Variants in LGALS9 observed in about 807,000 individuals in gnomAD.
LGALS9 encodes galectin 9, also known as galectin-9.
LGALS9 carries 26 observed loss-of-function variants against 35.9 expected under a neutral mutation model. The observed-to-expected ratio is 0.72, with a 90% confidence interval of 0.53 to 1.01. LGALS9 has a LOEUF of 1.01. LGALS9 is among the 50% of genes least tolerant of loss of function. LGALS9 has a pLI of 0.00. For synonymous variants in LGALS9, 149 were observed against 172.2 expected, an observed-to-expected ratio of 0.87 and a Z score of 1.06; for missense variants, 347 against 445.8, an observed-to-expected ratio of 0.78 and a Z score of 1.99.
chr17:27,647,008 C>T (rs765015257), intron 8 of LGALS9, 22 bp from the exon 9 acceptor site: 1 of 1,613,900 alleles, frequency 6.2e-7, no homozygotes, highest in South Asian at 1.1e-5. Context: ...TGGTGGCTGA[C>T]CTGTCCCCCT....
At position 27,637,620 on chromosome 17, in the gene LGALS9, G is replaced by C. The variant is rs1331705801; in HGVS notation, c.40-643G>C. On this transcript the variant is annotated intron_variant, in intron 1 of 10. Transcript: ENST00000395473. ...GGGGAGCCCGGGCACAGAAATAGAG[G>C]AGGGGGCTGCCCCACGGCTACAGAA... 2.0e-5 allele frequency among the ~76,000 whole-genome samples: 3 copies of C among 152,230 alleles called. No homozygotes were observed. The South Asian group carries it at 6.2e-4, about 32-fold the overall frequency.
intron 10 of LGALS9, among the ~76,000 whole-genome samples, 178 bp from the exon 11 acceptor site, chr17:27,648,658 G>A (rs551569779): frequency 6.6e-6 from 1 of 150,740 alleles, no homozygotes. Flanking sequence ...AACAGTACAG[G>A]GGAAAGAGCA....
chr17:27,632,896 C>T (rs553431881), intron 1 of LGALS9, among the ~76,000 whole-genome samples: 7 of 152,218 alleles, frequency 4.6e-5, no homozygotes, highest in East Asian at 1.9e-4. Flanking sequence ...GCTTCCTCCA[C>T]ATGCCGACAG....
intron 5 of LGALS9, chr17:27,644,198 G>C (rs1160684761): frequency 6.5e-6 from 1 of 154,820 alleles, no homozygotes; most frequent in South Asian, 2.0e-4. Context: ...CTGCCAGCCT[G>C]CCTCGAGCAC....
chr17:27,634,225 T>C (rs2074419148), intron 1 of LGALS9, among the ~76,000 whole-genome samples: 1 of 152,214 alleles, frequency 6.6e-6, no homozygotes, highest in South Asian at 2.1e-4. Flanking sequence ...CTGCAGGCCT[T>C]GGCTTATGAC....
intron 1 of LGALS9, among the ~76,000 whole-genome samples, chr17:27,635,889 A>G (rs575262948): frequency 5.1e-4 from 78 of 152,344 alleles, no homozygotes; most frequent in African/African-American, 1.7e-3. Flanking sequence ...GTGCTGGTCC[A>G]TAATTGGATC....
chr17:27,643,266 G>A (rs887269721), intron 4 of LGALS9, among the ~76,000 whole-genome samples: 2 of 152,084 alleles, frequency 1.3e-5, no homozygotes, highest in African/African-American at 4.8e-5. Context: ...TCGCCCTTTG[G>A]TCCTCATCTC....
At position 27,649,179 on chromosome 17, in the gene LGALS9, C is replaced by T; in HGVS notation, c.*197C>T. The T allele has an allele frequency of 2.4e-6, 2 of 824,346 alleles. No individual in the cohort carries two copies. Among genetic ancestry groups the T allele is most frequent in the South Asian group, 1.8e-5 (1 of 55,474 alleles). 51.1% of individuals were successfully genotyped at this position (824,346 alleles called of 1,614,324 possible). Reference sequence around the variant, plus strand: ...AAGGCAGCTGACGGGGATTGCCTTCCTCAGCCGCAGCAGCACCTGGGGCTC... The same window carrying T: ...AAGGCAGCTGACGGGGATTGCCTTCTTCAGCCGCAGCAGCACCTGGGGCTC... On this transcript the variant is annotated 3_prime_UTR_variant, in exon 11 of 11. Coordinates refer to ENST00000395473, the MANE Select transcript of LGALS9 (RefSeq NM_009587.3).
At chr17:27,640,091 CA>C in intron 2 of LGALS9, among the ~76,000 whole-genome samples, 1 of 152,032 alleles carries the variant, frequency 6.6e-6, no homozygotes, top group African/African-American at 2.4e-5. Flanking sequence ...AGGCTGGTCT[CA>C]AACTCCTGGG....
intron 1 of LGALS9, among the ~76,000 whole-genome samples, chr17:27,633,300 A>G (rs1598177560): frequency 1.1e-5 from 1 of 94,968 alleles, no homozygotes; most frequent in Non-Finnish European, 2.6e-5. Context: ...TCATGGACAC[A>G]CATGGATCCA....
At chr17:27,648,274 A>AAATCACAGTATGT (rs1182054863) in intron 10 of LGALS9, among the ~76,000 whole-genome samples, 39 of 152,262 alleles carry the variant, frequency 2.6e-4, no homozygotes, top group Non-Finnish European at 2.9e-4. Context: ...ATTTGTAGAC[A>AAATCACAGTATGT]GCTGTGTGAC....
Position 27,635,442 on chromosome 17 carries a change from CTAAATAAATAAA to C in LGALS9, c.40-2785_40-2774del, listed in dbSNP as rs67262429. Reference sequence around the variant, plus strand: ...TGGGCAACAGAGTGAGAACCCATCTCTAAATAAATAAATAAATAAATAAATAAATAAATAAAT... The same window carrying C: ...TGGGCAACAGAGTGAGAACCCATCTCTAAATAAATAAATAAATAAATAAAT... On this transcript the variant is annotated intron_variant, in intron 1 of 10. Transcript: ENST00000395473. Among the ~76,000 whole-genome samples, 715 of 140,478 alleles carry C rather than the reference CTAAATAAATAAA, an allele frequency of 5.1e-3. 4 individuals carry two copies. The highest frequency in any genetic ancestry group is 0.013 in the African/African-American group (486 of 37,686). 92.2% of individuals were successfully genotyped at this position (140,478 alleles called of 152,430 possible).
chr17:27,640,501 C>G, intron 2 of LGALS9, 71 bp from the exon 3 acceptor site: 1 of 1,600,720 alleles, frequency 6.2e-7, no homozygotes, highest in Non-Finnish European at 8.6e-7. Flanking sequence ...GCACAGGCGC[C>G]GAGGCCCTCC....
At chr17:27,632,927 C>T (rs925016677) in intron 1 of LGALS9, among the ~76,000 whole-genome samples, 4 of 152,160 alleles carry the variant, frequency 2.6e-5, no homozygotes, top group East Asian at 1.9e-4. Flanking sequence ...TCACGCGGTT[C>T]GCTGTCCTGC....
intron 1 of LGALS9, among the ~76,000 whole-genome samples, chr17:27,633,309 C>A (rs1254530964): frequency 1.3e-5 from 2 of 152,206 alleles, no homozygotes; most frequent in African/African-American, 2.4e-5. Context: ...CACATGGATC[C>A]AAATGCCACA....
chr17:27,648,436 G>C (rs1247065212), intron 10 of LGALS9, among the ~76,000 whole-genome samples: 1 of 152,132 alleles, frequency 6.6e-6, no homozygotes, highest in Non-Finnish European at 1.5e-5. Flanking sequence ...TGTGTGATAG[G>C]AGTGTTAGCT....
chr17:27,642,912 G>GTT (rs1904630463), intron 4 of LGALS9, among the ~76,000 whole-genome samples: 1 of 152,166 alleles, frequency 6.6e-6, no homozygotes, highest in Non-Finnish European at 1.5e-5. Context: ...ACATCTAAAA[G>GTT]GTCAGGAGAG....
intron 4 of LGALS9, among the ~76,000 whole-genome samples, chr17:27,643,077 CTAAA>C (rs1472884317): frequency 2.0e-5 from 3 of 152,162 alleles, no homozygotes; most frequent in Non-Finnish European, 4.4e-5. Context: ...ATAAATAAAA[CTAAA>C]TAAGGTCAGG....
intron 9 of LGALS9, 26 bp from the exon 10 acceptor site, chr17:27,647,244 A>G: frequency 1.2e-6 from 2 of 1,613,520 alleles, no homozygotes; most frequent in Non-Finnish European, 1.7e-6. Flanking sequence ...CGGTGGATAA[A>G]GGTTCAGGTG....
Sources: gnomAD v4.1 joint callset for allele counts (sites outside exome capture counted in the v4.1 genomes callset) on GRCh38, gnomAD v4.1.1 for gene constraint, MANE v1.5 for transcripts, NCBI Gene and HGNC (gene_info 2026-07-23, HGNC 2026-07-21) for gene names.